The following SIM2 variants were observed in gnomAD, a reference collection of about 807,000 sequenced individuals.
SIM2 encodes the protein single-minded homolog 2.
Under a neutral mutation model 64.8 loss-of-function variants are expected in SIM2, and 28 were observed. The ratio of observed to expected loss-of-function variants is 0.43; its 90% CI spans 0.32 to 0.59. SIM2 has a LOEUF of 0.59. Ranked by LOEUF, SIM2 falls within the 20% of genes least tolerant of loss-of-function variation. SIM2 has a pLI of 0.07. For synonymous variants in SIM2, 408 were observed against 391.1 expected, an observed-to-expected ratio of 1.04 and a Z score of -0.51; for missense variants, 847 against 871.4, an observed-to-expected ratio of 0.97 and a Z score of 0.35.
intron 2 of SIM2, chr21:36,709,828 T>C: frequency 4.5e-6 from 1 of 222,806 alleles, no homozygotes; most frequent in Non-Finnish European, 8.9e-6. Flanking sequence ...TTTTGTTTTT[T>C]GTTTGTTTGT....
intron 4 of SIM2, 121 bp downstream of exon 4, chr21:36,720,050 C>T: frequency 2.9e-6 from 2 of 682,252 alleles, no homozygotes; most frequent in Non-Finnish European, 2.6e-6. Flanking sequence ...ACTGCCCAGC[C>T]CAGGTCTCTC....
intron 1 of SIM2, among the ~76,000 whole-genome samples, chr21:36,706,760 T>G (rs895696934): frequency 6.6e-6 from 1 of 152,038 alleles, no homozygotes; most frequent in Non-Finnish European, 1.5e-5. Context: ...CAGGGGTGCT[T>G]GGGAGGAACA....
rs1341874210 is a variant in SIM2, at chr21:36,745,394, T to G, written c.1576+258T>G. On this transcript the variant is annotated intron_variant, in intron 10 of 10. Transcript: ENST00000290399. The surrounding 1 kb of genome is among the most constrained non-coding windows in gnomAD (Gnocchi z 4.8). Reference sequence around the variant, plus strand: ...GCAAAGGAAAACCGAGTATCTGGCCTTCACGTAAATCCTGGCCACATTCAC... The same window carrying G: ...GCAAAGGAAAACCGAGTATCTGGCCGTCACGTAAATCCTGGCCACATTCAC... 7.4e-7 allele frequency: 1 copy of G among 1,356,662 alleles called. No individual in the cohort carries two copies. The highest frequency in any genetic ancestry group is 9.6e-7 in the Non-Finnish European group (1 of 1,042,538). The allele number at this position is 1,356,662 out of a possible 1,614,324, so 84.0% of individuals were successfully genotyped here.
At chr21:36,711,195 C>A (rs1055941295) in intron 2 of SIM2, among the ~76,000 whole-genome samples, 1 of 152,176 alleles carries the variant, frequency 6.6e-6, no homozygotes, top group East Asian at 1.9e-4. Context: ...TTCCTCTTTT[C>A]CTCATTATCC....
chr21:36,719,026 G>A (rs2088783185), intron 3 of SIM2, among the ~76,000 whole-genome samples: 8 of 152,212 alleles, frequency 5.3e-5, no homozygotes, highest in Admixed American at 5.2e-4. Flanking sequence ...TGGATGTGCT[G>A]TCCTCTGTGG....
At position 36,712,553 on chromosome 21, in the gene SIM2, T is replaced by A. The variant is rs2088691435; in HGVS notation, c.279T>A (p.Phe93Leu). The A allele has an allele frequency of 6.2e-7, 1 of 1,612,832 alleles. No homozygotes were observed. Among genetic ancestry groups the A allele is most frequent in the South Asian group, 1.1e-5 (1 of 91,020 alleles). ...TACAGACTTTGGATGGATTTGTTTT[T>A]GTGGTAGCATCTGATGGCAAAATCA... Reference protein sequence around the residue: ...HLLQTLDGFVFVVASDGKIMY... With the variant: ...HLLQTLDGFVLVVASDGKIMY... The change falls in exon 3 of 11, where the codon TTT becomes TTA. Residue 93 changes from phenylalanine (F) to leucine (L), a missense_variant. By Grantham distance (22) the Phe-to-Leu change is conservative. Transcript: ENST00000290399.
chr21:36,714,874 C>T (rs995849584), intron 3 of SIM2, among the ~76,000 whole-genome samples: 1 of 152,304 alleles, frequency 6.6e-6, no homozygotes, highest in Non-Finnish European at 1.5e-5. Flanking sequence ...GAAGGAAATC[C>T]AGGCAGCCTC....
At chr21:36,732,185 A>C (rs938354002) in intron 7 of SIM2, among the ~76,000 whole-genome samples, 2 of 152,232 alleles carry the variant, frequency 1.3e-5, no homozygotes, top group Admixed American at 6.5e-5. Context: ...ACCCAGCCAC[A>C]CACTTTCAGA....
intron 1 of SIM2, among the ~76,000 whole-genome samples, chr21:36,704,904 C>G (rs2088557766): frequency 6.6e-6 from 1 of 152,238 alleles, no homozygotes; most frequent in Non-Finnish European, 1.5e-5. Context: ...TTTCAGGGAC[C>G]CCGGGGAGAA....
intron 3 of SIM2, among the ~76,000 whole-genome samples, chr21:36,717,195 G>A (rs897408296): frequency 7.2e-5 from 11 of 152,106 alleles, no homozygotes; most frequent in African/African-American, 1.9e-4. Flanking sequence ...GGATTAAAAC[G>A]CAAATCTAAC....
intron 4 of SIM2, among the ~76,000 whole-genome samples, chr21:36,721,622 T>A (rs577178158): frequency 2.7e-4 from 41 of 152,236 alleles, no homozygotes; most frequent in African/African-American, 9.4e-4. Context: ...TTTGTATTTT[T>A]ATTAGAGACA....
At chr21:36,707,942 G>GGGGGCT (rs1475598147) in intron 1 of SIM2, among the ~76,000 whole-genome samples, 4 of 152,334 alleles carry the variant, frequency 2.6e-5, no homozygotes, top group East Asian at 1.9e-4. Context: ...GACGGCAGTG[G>GGGGGCT]GGGGCTGGGG....
At chr21:36,707,520 GC>G (rs958883087) in intron 1 of SIM2, among the ~76,000 whole-genome samples, 13 of 152,254 alleles carry the variant, frequency 8.5e-5, no homozygotes, top group African/African-American at 2.4e-4. Context: ...GCCAGGATAA[GC>G]CCCTAATTCC....
intron 1 of SIM2, among the ~76,000 whole-genome samples, chr21:36,707,423 C>T (rs948538727): frequency 6.6e-6 from 1 of 152,190 alleles, no homozygotes; most frequent in Admixed American, 6.5e-5. Context: ...GCCACCGCTG[C>T]CCCCGTGGTG....
chr21:36,700,832 G>C (rs2088482270), intron 1 of SIM2, among the ~76,000 whole-genome samples: 1 of 152,242 alleles, frequency 6.6e-6, no homozygotes, highest in Admixed American at 6.5e-5. Context: ...GAGCGCTGCC[G>C]TTCTTTTCAG....
At chr21:36,737,991 A>C (rs1269442281) in intron 7 of SIM2, among the ~76,000 whole-genome samples, 7 of 150,226 alleles carry the variant, frequency 4.7e-5, no homozygotes, top group Non-Finnish European at 8.9e-5. Context: ...AAGCAAAAAA[A>C]AAGCAAAAAG....
chr21:36,719,775 A>G lies in SIM2; in HGVS notation c.349-46A>G, dbSNP rs373817486. The G allele has an allele frequency of 8.3e-4, 1,003 of 1,208,742 alleles. 1 individual carries two copies. The highest frequency in any genetic ancestry group is 1.1e-3 in the Non-Finnish European group (915 of 811,624). 74.9% of individuals were successfully genotyped at this position (1,208,742 alleles called of 1,614,324 possible). On this transcript the variant is annotated intron_variant, in intron 3 of 10. Coordinates refer to ENST00000290399, the MANE Select transcript of SIM2 (RefSeq NM_005069.6). ...ACACCTTGCCCCTCCCCCTGCGCCA[A>G]TCCCAGAGAGGCGGTGGCATTTCTG...
intron 10 of SIM2, among the ~76,000 whole-genome samples, chr21:36,746,729 TA>T (rs1210847325): frequency 6.6e-6 from 1 of 152,164 alleles, no homozygotes; most frequent in African/African-American, 2.4e-5. Flanking sequence ...GCCCCTCATA[TA>T]ACCAAGGAAG....
In SIM2 at chr21:36,745,301, G is replaced by A; in HGVS notation, c.1576+165G>A. On this transcript the variant is annotated intron_variant, in intron 10 of 10. Coordinates refer to ENST00000290399, the MANE Select transcript of SIM2 (RefSeq NM_005069.6). This position sits in a 1 kb window ranked among gnomAD's most constrained non-coding sequence, Gnocchi z 4.8. ...CTTGCTGTGCTTTCTTGCTCTCAAT[G>A]CAGGTGCTCCTCGAGAGTGAGAAAT... 6.9e-7 allele frequency: 1 copy of A among 1,451,842 alleles called. No homozygotes were observed. Among genetic ancestry groups the A allele is most frequent in the Non-Finnish European group, 9.1e-7 (1 of 1,098,918 alleles). The allele number at this position is 1,451,842 out of a possible 1,614,324, so 89.9% of individuals were successfully genotyped here.
Sources: allele counts gnomAD v4.1 joint callset (sites outside exome capture counted in the v4.1 genomes callset), GRCh38; gene constraint gnomAD v4.1.1; non-coding constraint Gnocchi (gnomAD v3.1); transcripts MANE v1.5; gene names NCBI Gene and HGNC (gene_info 2026-07-23, HGNC 2026-07-21).